TBC1D8B: variants seen among roughly 807,000 people sequenced by gnomAD.
TBC1D8B encodes the protein TBC1 domain family member 8B.
A neutral mutation model predicts 82.9 loss-of-function variants in TBC1D8B; 75 were observed. The ratio of observed to expected loss-of-function variants is 0.90; its 90% CI spans 0.75 to 1.10. The LOEUF is 1.10. Ranked by LOEUF, TBC1D8B falls within the 50% of genes least tolerant of loss-of-function variation. The pLI, the probability that TBC1D8B is intolerant of heterozygous loss-of-function variation, is 0.00. For missense variants in TBC1D8B, 794 were observed against 796.9 expected, an observed-to-expected ratio of 1.00 and a Z score of 0.04; for synonymous variants, 276 against 276.8, an observed-to-expected ratio of 1.00 and a Z score of 0.03.
In TBC1D8B at chrX:106,866,799, A is replaced by C. The variant is rs138093907; in HGVS notation, c.2665A>C (p.Ile889Leu). Residue 889 changes from isoleucine (I) to leucine (L), a missense_variant and splice_region_variant, in exon 17 of 21, where the codon ATA (isoleucine) becomes CTA (leucine). Coordinates refer to ENST00000357242, the MANE Select transcript of TBC1D8B (RefSeq NM_017752.3). Reference sequence around the variant, plus strand: ...TACAATTGAATTTTATTGAACAGACATAATGTACAATGGAAGTTTTACTGA... The same window carrying C: ...TACAATTGAATTTTATTGAACAGACCTAATGTACAATGGAAGTTTTACTGA... ...NFKEFSSAID[I>L]MYNGSFTEKL... 1.9e-4 allele frequency: 224 copies of C among 1,156,462 alleles called. No homozygotes were observed. Among genetic ancestry groups the C allele is most frequent in the Non-Finnish European group, 2.5e-4 (217 of 858,879 alleles).
chrX:106,840,657 A>G lies in TBC1D8B; in HGVS notation c.1505-13A>G. ...CCACCTTCTGTTGTATGTTAATGTAATAATCTTCACAGGTGCTGTTAATGA... is the reference window on the plus strand; with the variant it reads ...CCACCTTCTGTTGTATGTTAATGTAGTAATCTTCACAGGTGCTGTTAATGA... On this transcript the variant is annotated splice_polypyrimidine_tract_variant and intron_variant, in intron 9 of 20. Coordinates refer to ENST00000357242, the MANE Select transcript of TBC1D8B (RefSeq NM_017752.3). 8.4e-7 allele frequency: 1 copy of G among 1,192,750 alleles called. No individual in the cohort carries two copies. The highest frequency in any genetic ancestry group is 1.1e-6 in the Non-Finnish European group (1 of 879,130).
intron 7 of TBC1D8B, chrX:106,828,113 C>T (rs1195079972): frequency 1.8e-5 from 2 of 111,150 alleles, no homozygotes; most frequent in East Asian, 2.8e-4. Context: ...GGGGATATCA[C>T]GACCAATCCC....
In TBC1D8B at chrX:106,826,117, T is replaced by C. The variant is rs1931835785; in HGVS notation, c.915T>C (p.Cys305=). ...AGAGTTTGAAAGAAGTACATGAATG[T>C]TTCTTATGGGTACCATTCAGCCACT... ...KGESLKEVHE[C]FLWVPFSHFN... The change falls in exon 6 of 21, where the codon TGT becomes TGC. Residue 305 remains cysteine (C), a synonymous_variant. Coordinates refer to ENST00000357242, the MANE Select transcript of TBC1D8B (RefSeq NM_017752.3). 1 of 1,210,105 alleles carries C rather than the reference T, an allele frequency of 8.3e-7. No individual in the cohort carries two copies. The highest frequency in any genetic ancestry group is 1.7e-5 in the African/African-American group (1 of 57,702).
At chrX:106,849,143 C>T (rs1425662442) in intron 11 of TBC1D8B, 2 of 744,805 alleles carry the variant, frequency 2.7e-6, no homozygotes, top group African/African-American at 4.6e-5. Context: ...TATGAATGGT[C>T]TCTTTGTACC....
At chrX:106,871,758 T>G (rs1383751644) in intron 20 of TBC1D8B, among the ~76,000 whole-genome samples, 2 of 112,397 alleles carry the variant, frequency 1.8e-5, no homozygotes, top group Non-Finnish European at 3.8e-5. Context: ...CCACTATCCC[T>G]TCTTTGAGTT....
intron 7 of TBC1D8B, chrX:106,827,889 G>A (rs1439095378): frequency 1.8e-5 from 2 of 110,939 alleles, no homozygotes; most frequent in East Asian, 5.7e-4. Context: ...AACTAGAAAA[G>A]CAAGAGCAAA....
At chrX:106,870,689 T>C in intron 19 of TBC1D8B, 27 bp from the exon 20 acceptor site, 3 of 1,038,562 alleles carry the variant, frequency 2.9e-6, no homozygotes, top group Non-Finnish European at 4.0e-6. Context: ...CTGTTCCTTA[T>C]GAAATGGTTT....
intron 1 of TBC1D8B, among the ~76,000 whole-genome samples, chrX:106,811,107 C>A (rs1226583481): frequency 8.9e-6 from 1 of 112,235 alleles, no homozygotes; most frequent in Non-Finnish European, 1.9e-5. Context: ...GCAAAGAGAT[C>A]TTTAAAGGTA....
chrX:106,823,248 T>G lies in TBC1D8B; in HGVS notation c.609T>G (p.Asp203Glu). The G allele has an allele frequency of 8.3e-7, 1 of 1,208,683 alleles. No homozygotes were observed. Among genetic ancestry groups the G allele is most frequent in the East Asian group, 3.0e-5 (1 of 33,721 alleles). Reference protein sequence around the residue: ...GSEIKLIISWDEVSKLEKTSN... With the variant: ...GSEIKLIISWEEVSKLEKTSN... Reference sequence around the variant, plus strand: ...CAGTAAAACTCATTATCTCCTGGGATGAAGTCTCAAAACTTGAAAAGACTT... The same window carrying G: ...CAGTAAAACTCATTATCTCCTGGGAGGAAGTCTCAAAACTTGAAAAGACTT... Residue 203 changes from aspartate to glutamate, a missense_variant, in exon 5 of 21, where the codon GAT becomes GAG. Transcript: ENST00000357242.
intron 12 of TBC1D8B, among the ~76,000 whole-genome samples, chrX:106,852,826 G>T (rs947944456): frequency 9.0e-6 from 1 of 111,546 alleles, no homozygotes; most frequent in African/African-American, 3.3e-5. Context: ...TAGCCCTGTA[G>T]CCTGGTAGTA....
rs1931072814 is a variant in TBC1D8B at position 106,802,952 on chromosome X, C to T, written c.99C>T (p.Gly33=). 5.8e-6 allele frequency: 7 copies of T among 1,209,711 alleles called. No homozygotes were observed. Among genetic ancestry groups the T allele is most frequent in the East Asian group, 5.9e-5 (2 of 33,768 alleles). ...NDYFVLQRRR[G]YGEEGGGGLT... is the part of the protein sequence containing the mutation. ...ACTTCGTGCTGCAGCGGCGTCGGGG[C>T]TACGGGGAGGAAGGCGGAGGGGGGC... Residue 33 remains glycine (G), a synonymous_variant, in exon 1 of 21, where the codon GGC becomes GGT. Coordinates refer to ENST00000357242, the MANE Select transcript of TBC1D8B (RefSeq NM_017752.3).
chrX:106,827,166 C>G lies in TBC1D8B; in HGVS notation c.1036-4C>G, dbSNP rs1219488100. The G allele has an allele frequency of 8.3e-7, 1 of 1,206,368 alleles. No homozygotes were observed. The highest frequency in any genetic ancestry group is 1.1e-6 in the Non-Finnish European group (1 of 893,268). ...AATTGACCTCTATGTTTTTCACCCCCTAGGTCTTAGCTATAGATAAGACAA... is the reference window on the plus strand; with the variant it reads ...AATTGACCTCTATGTTTTTCACCCCGTAGGTCTTAGCTATAGATAAGACAA... On this transcript the variant is annotated splice_polypyrimidine_tract_variant and splice_region_variant and intron_variant, in intron 6 of 20. Coordinates refer to ENST00000357242, the MANE Select transcript of TBC1D8B (RefSeq NM_017752.3).
At chrX:106,803,748 A>G (rs1354662490) in intron 1 of TBC1D8B, among the ~76,000 whole-genome samples, 1 of 111,638 alleles carries the variant, frequency 9.0e-6, no homozygotes, top group Non-Finnish European at 1.9e-5. Flanking sequence ...CCCAATTCTT[A>G]AAAAGTGTTT....
intron 1 of TBC1D8B, chrX:106,818,419 A>G (rs1931600572): frequency 3.7e-6 from 1 of 268,295 alleles, no homozygotes; most frequent in Non-Finnish European, 6.5e-6. Flanking sequence ...ACATTTTGAG[A>G]TTTGGACAAT....
intron 14 of TBC1D8B, among the ~76,000 whole-genome samples, chrX:106,860,863 T>C (rs1932767530): frequency 8.9e-6 from 1 of 111,844 alleles, no homozygotes; most frequent in Non-Finnish European, 1.9e-5. Context: ...TAAGCATTTA[T>C]GCTGTAAACT....
At chrX:106,871,386 T>C (rs1463994358) in intron 20 of TBC1D8B, among the ~76,000 whole-genome samples, 3 of 111,994 alleles carry the variant, frequency 2.7e-5, no homozygotes, top group Non-Finnish European at 5.6e-5. Context: ...GACAATTGAA[T>C]AAGTACTTTC....
At chrX:106,816,007 G>T (rs1042111652) in intron 1 of TBC1D8B, among the ~76,000 whole-genome samples, 1 of 111,432 alleles carries the variant, frequency 9.0e-6, no homozygotes, top group Non-Finnish European at 1.9e-5. Context: ...GCACAAGACA[G>T]GGATGCCCTC....
intron 7 of TBC1D8B, chrX:106,829,021 C>T (rs1195464977): frequency 9.3e-6 from 1 of 107,737 alleles, no homozygotes; most frequent in Non-Finnish European, 1.9e-5. Flanking sequence ...TTGCAGACGA[C>T]ATGATTGTAT....
chrX:106,838,250 A>G (rs1230706159), intron 7 of TBC1D8B, among the ~76,000 whole-genome samples: 1 of 111,212 alleles, frequency 9.0e-6, no homozygotes, highest in Non-Finnish European at 1.9e-5. Flanking sequence ...GGCCCCCTCA[A>G]GACACTTTCT....
Sources: gnomAD v4.1 joint callset for allele counts (sites outside exome capture counted in the v4.1 genomes callset) on GRCh38, gnomAD v4.1.1 for gene constraint, MANE v1.5 for transcripts, NCBI Gene and HGNC (gene_info 2026-07-23, HGNC 2026-07-21) for gene names.